UCK2: variants seen among roughly 807,000 people sequenced by gnomAD.
UCK2 encodes the protein cytidine monophosphokinase 2.
Under a neutral mutation model 30.8 loss-of-function variants are expected in UCK2, and 6 were observed. The ratio of observed to expected loss-of-function variants is 0.19; its 90% confidence interval spans 0.11 to 0.38. The LOEUF (loss-of-function observed/expected upper bound fraction) is 0.38. UCK2 is among the 10% of genes least tolerant of loss of function. UCK2 has a pLI of 1.00. For synonymous variants in UCK2, 125 were observed against 133.6 expected (o/e 0.94, Z 0.45); for missense variants, 210 against 339.8 (o/e 0.62, Z 3.00).
At chr1:165,906,673 GT>G (rs1647673218) in intron 6 of UCK2, among the ~76,000 whole-genome samples, 1 of 152,182 alleles carries the variant, frequency 6.6e-6, no homozygotes, top group Non-Finnish European at 1.5e-5. Flanking sequence ...TGGCCCCATT[GT>G]TTTATTTATT....
chr1:165,891,122 A>G, intron 2 of UCK2, 104 bp from the exon 3 acceptor site: 1 of 996,630 alleles, frequency 1.0e-6, no homozygotes, highest in Non-Finnish European at 1.5e-6. Context: ...TTACCTTTAA[A>G]GTGTGATGTG....
chr1:165,874,959 T>C lies in UCK2; in HGVS notation c.100-15245T>C, dbSNP rs138128937. Reference sequence around the variant, plus strand: ...GTAGTGTGGTTTAATAGTATGATAATGTAGTTTTGTGCCGTTTTATAGACG... The same window carrying C: ...GTAGTGTGGTTTAATAGTATGATAACGTAGTTTTGTGCCGTTTTATAGACG... On this transcript the variant is annotated intron_variant, in intron 1 of 6. Coordinates refer to ENST00000367879, the MANE Select transcript of UCK2 (RefSeq NM_012474.5). Among the ~76,000 whole-genome samples, 735 of 151,638 alleles carry C rather than the reference T, an allele frequency of 4.8e-3. 3 individuals carry two copies. Among genetic ancestry groups the C allele is most frequent in the Non-Finnish European group, 8.2e-3 (556 of 67,974 alleles).
chr1:165,888,464 G>A (rs1158632111), intron 1 of UCK2, among the ~76,000 whole-genome samples: 2 of 151,646 alleles, frequency 1.3e-5, no homozygotes, highest in African/African-American at 2.4e-5. Flanking sequence ...GCTAATTTTT[G>A]TATTTTTAGT....
At chr1:165,899,373 C>T (rs1647381674) in intron 4 of UCK2, among the ~76,000 whole-genome samples, 1 of 152,194 alleles carries the variant, frequency 6.6e-6, no homozygotes, top group African/African-American at 2.4e-5. Context: ...CCTCATCTTC[C>T]TCATCCATCA....
intron 1 of UCK2, among the ~76,000 whole-genome samples, chr1:165,862,905 A>G (rs1654954827): frequency 6.6e-6 from 1 of 152,208 alleles, no homozygotes; most frequent in Admixed American, 6.5e-5. Flanking sequence ...TAGAAATAAT[A>G]AATAATAGGA....
intron 1 of UCK2, among the ~76,000 whole-genome samples, chr1:165,833,024 G>A: frequency 6.6e-6 from 1 of 152,176 alleles, no homozygotes; most frequent in East Asian, 1.9e-4. Flanking sequence ...CCTCTGAGGT[G>A]TGGACTGCCA....
chr1:165,868,043 A>T (rs1204325980), intron 1 of UCK2, among the ~76,000 whole-genome samples: 1 of 152,242 alleles, frequency 6.6e-6, no homozygotes, highest in Non-Finnish European at 1.5e-5. Context: ...GGCAGGCATG[A>T]GAATAACATT....
chr1:165,827,955 G>C, intron 1 of UCK2, 23 bp downstream of exon 1: 2 of 1,317,980 alleles, frequency 1.5e-6, no homozygotes, highest in Non-Finnish European at 2.0e-6. Flanking sequence ...CCGGAGCCGC[G>C]CTCCCTTCCC....
intron 1 of UCK2, among the ~76,000 whole-genome samples, chr1:165,849,467 T>C (rs566513520): frequency 6.6e-5 from 10 of 152,294 alleles, no homozygotes; most frequent in Non-Finnish European, 1.2e-4. Flanking sequence ...GCAAGCCTGG[T>C]CTAGGGCGTT....
At chr1:165,905,581 G>A (rs758671594) in intron 5 of UCK2, among the ~76,000 whole-genome samples, 4 of 152,254 alleles carry the variant, frequency 2.6e-5, no homozygotes, top group East Asian at 1.9e-4. Flanking sequence ...GTTATCAATC[G>A]AATTATGAAC....
chr1:165,874,710 G>C (rs184610500), intron 1 of UCK2, among the ~76,000 whole-genome samples: 1 of 151,832 alleles, frequency 6.6e-6, no homozygotes, highest in South Asian at 2.1e-4. Context: ...TTTTTTTAAC[G>C]TAAGAATTCC....
At chr1:165,836,275 C>T (rs1449792640) in intron 1 of UCK2, among the ~76,000 whole-genome samples, 1 of 151,908 alleles carries the variant, frequency 6.6e-6, no homozygotes, top group Admixed American at 6.6e-5. Flanking sequence ...ATATGTTATA[C>T]ATTTTTTTGA....
At chr1:165,890,880 T>C in intron 2 of UCK2, 1 of 291,280 alleles carries the variant, frequency 3.4e-6, no homozygotes, top group Non-Finnish European at 6.6e-6. Flanking sequence ...CTATTGTGTG[T>C]ACTCCCCCAG....
chr1:165,883,584 A>G (rs1008642744), intron 1 of UCK2, among the ~76,000 whole-genome samples: 20 of 152,146 alleles, frequency 1.3e-4, no homozygotes, highest in African/African-American at 4.6e-4. Flanking sequence ...GAAGAACCTT[A>G]TTAGTAATTT....
chr1:165,830,289 C>G (rs963686922), intron 1 of UCK2, among the ~76,000 whole-genome samples: 2 of 150,744 alleles, frequency 1.3e-5, no homozygotes, highest in African/African-American at 4.9e-5. Flanking sequence ...CAGGTGTGAG[C>G]CACTACCTGG....
chr1:165,883,423 A>G (rs931291853), intron 1 of UCK2, among the ~76,000 whole-genome samples: 73 of 152,158 alleles, frequency 4.8e-4, no homozygotes, highest in African/African-American at 1.6e-3. Flanking sequence ...CTTCTGATAA[A>G]TTTTGACATT....
intron 1 of UCK2, among the ~76,000 whole-genome samples, chr1:165,842,830 G>C (rs1010982953): frequency 6.6e-6 from 1 of 152,168 alleles, no homozygotes; most frequent in Non-Finnish European, 1.5e-5. Context: ...AGGAGGCTTA[G>C]TCCCTCCAGC....
intron 3 of UCK2, 65 bp from the exon 4 acceptor site, chr1:165,896,125 C>T (rs1202885715): frequency 2.5e-6 from 4 of 1,601,072 alleles, no homozygotes; most frequent in East Asian, 4.5e-5. Context: ...ATGTTCTGGC[C>T]CTTGTTCTCT....
chr1:165,875,811 C>T (rs1655318804), intron 1 of UCK2, among the ~76,000 whole-genome samples: 1 of 152,174 alleles, frequency 6.6e-6, no homozygotes, highest in Non-Finnish European at 1.5e-5. Flanking sequence ...GTGCCACCCT[C>T]CAGGAACCTC....
Sources: allele counts gnomAD v4.1 joint callset (sites outside exome capture counted in the v4.1 genomes callset), GRCh38; gene constraint gnomAD v4.1.1; transcripts MANE v1.5; gene names NCBI Gene and HGNC (gene_info 2026-07-23, HGNC 2026-07-21).